Variants in SGCD observed in about 807,000 individuals in gnomAD.
SGCD encodes the protein delta-sarcoglycan.
In SGCD, 18 loss-of-function variants were observed where a neutral mutation model predicts 36.6. The observed-to-expected ratio is 0.49, with a 90% CI of 0.34 to 0.73. The LOEUF is 0.73. SGCD is among the 30% of genes least tolerant of loss of function. The pLI, the probability that SGCD is intolerant of heterozygous loss-of-function variation, is 0.01. For synonymous variants in SGCD, 133 were observed against 130.6 expected (o/e 1.02, Z -0.12); for missense variants, 387 against 346.7 (o/e 1.12, Z -0.92).
the SGCD span, among the ~76,000 whole-genome samples, chr5:155,833,068 A>G: frequency 4.2e-4 from 60 of 142,640 alleles, 2 homozygotes; most frequent in East Asian, 6.1e-4. Context: ...AAAAAAAAAA[A>G]AAAGAAAAAA....
intron 3 of SGCD, among the ~76,000 whole-genome samples, chr5:156,204,239 A>T (rs891861147): frequency 1.3e-5 from 2 of 152,026 alleles, no homozygotes; most frequent in African/African-American, 4.8e-5. Flanking sequence ...TTTCTCCCTT[A>T]TGGGGTGGCC....
intron 3 of SGCD, among the ~76,000 whole-genome samples, chr5:156,406,036 G>GAAAAAAAAAAAAAAAAAAAAAACT (rs79259925): frequency 7.3e-6 from 1 of 136,608 alleles, no homozygotes; most frequent in African/African-American, 2.8e-5. Flanking sequence ...AAAAAAAAAG[G>GAAAAAAAAAAAAAAAAAAAAAACT]CCTCTGGGCA....
chr5:156,346,548 C>T (rs1250845601), intron 3 of SGCD, among the ~76,000 whole-genome samples: 1 of 152,154 alleles, frequency 6.6e-6, no homozygotes, highest in Non-Finnish European at 1.5e-5. Flanking sequence ...AGTTCTCCTA[C>T]CTCAGCCTCT....
intron 3 of SGCD, among the ~76,000 whole-genome samples, chr5:156,159,002 G>A (rs1034307089): frequency 2.6e-5 from 4 of 151,078 alleles, no homozygotes; most frequent in Admixed American, 2.6e-4. Context: ...TATCATCATT[G>A]TTTTGAGAAG....
intron 3 of SGCD, among the ~76,000 whole-genome samples, chr5:156,502,258 G>T (rs570698802): frequency 6.6e-6 from 1 of 152,028 alleles, no homozygotes; most frequent in South Asian, 2.1e-4. Flanking sequence ...ATGTTAGCCA[G>T]GATGGTCTCG....
the SGCD span, among the ~76,000 whole-genome samples, chr5:155,780,072 A>G: frequency 6.6e-6 from 1 of 152,200 alleles, no homozygotes; most frequent in Non-Finnish European, 1.5e-5. Flanking sequence ...GAATAAACCT[A>G]GAAAATCTCT....
chr5:156,682,591 T>A (rs1289010346), intron 7 of SGCD, among the ~76,000 whole-genome samples: 1 of 152,180 alleles, frequency 6.6e-6, no homozygotes, highest in African/African-American at 2.4e-5. Context: ...GTTAACACAG[T>A]GACCAAGACA....
At chr5:156,051,721 C>T (rs1451617447) in intron 1 of SGCD, among the ~76,000 whole-genome samples, 2 of 144,852 alleles carry the variant, frequency 1.4e-5, no homozygotes, top group Admixed American at 1.4e-4. Context: ...AATGAGCACT[C>T]GTGGTAGGAA....
rs115469425 is a variant in SGCD, at chr5:156,633,917, C to T, written c.503-13547C>T. Among the ~76,000 whole-genome samples the T allele has an allele frequency of 2.9e-3, 443 of 152,270 alleles. 6 individuals are homozygous for T. Among genetic ancestry groups the T allele is most frequent in the African/African-American group, 0.01 (428 of 41,546 alleles). On this transcript the variant is annotated intron_variant, in intron 6 of 8. Transcript: ENST00000337851. ...CTACTTCCACACCACAGAGAGGGCACAGAAATCTTTGCTGAGGTGTGGGCC... is the reference window on the plus strand; with the variant it reads ...CTACTTCCACACCACAGAGAGGGCATAGAAATCTTTGCTGAGGTGTGGGCC...
chr5:155,932,564 A>G (rs563518648), intron 1 of SGCD, among the ~76,000 whole-genome samples: 2 of 152,326 alleles, frequency 1.3e-5, no homozygotes, highest in African/African-American at 4.8e-5. Context: ...CCCTCAACAT[A>G]ACTGGTTTTT....
At chr5:156,158,791 T>C (rs1350262037) in intron 3 of SGCD, among the ~76,000 whole-genome samples, 1 of 151,566 alleles carries the variant, frequency 6.6e-6, no homozygotes, top group African/African-American at 2.4e-5. Flanking sequence ...AGATTTTATA[T>C]ACCTACAGCT....
intron 1 of SGCD, among the ~76,000 whole-genome samples, chr5:155,897,844 A>G (rs1756301419): frequency 6.6e-6 from 1 of 152,218 alleles, no homozygotes; most frequent in Admixed American, 6.5e-5. Context: ...TTGTTGACCA[A>G]CATGTCATCA....
intron 1 of SGCD, among the ~76,000 whole-genome samples, chr5:155,998,852 G>T (rs1758607822): frequency 6.6e-6 from 1 of 152,172 alleles, no homozygotes; most frequent in Non-Finnish European, 1.5e-5. Context: ...CTGGGAACTG[G>T]ACATATTACA....
chr5:155,824,245 GTTTGGA>G, the SGCD span, among the ~76,000 whole-genome samples: 2 of 152,168 alleles, frequency 1.3e-5, no homozygotes, highest in African/African-American at 4.8e-5. Flanking sequence ...GAGCAAGGCT[GTTTGGA>G]TTCACATCCT....
chr5:156,537,669 G>A (rs1361574904), intron 4 of SGCD, among the ~76,000 whole-genome samples: 1 of 151,792 alleles, frequency 6.6e-6, no homozygotes, highest in Non-Finnish European at 1.5e-5. Flanking sequence ...ATGCCCAGTT[G>A]AAACCACATT....
intron 1 of SGCD, among the ~76,000 whole-genome samples, chr5:156,049,580 C>G (rs1581063225): frequency 1.4e-5 from 2 of 146,238 alleles, no homozygotes; most frequent in East Asian, 3.9e-4. Flanking sequence ...CAAAAACATG[C>G]CAAATTGTAA....
At chr5:156,282,192 AG>A (rs1349564318) in intron 3 of SGCD, among the ~76,000 whole-genome samples, 4 of 152,190 alleles carry the variant, frequency 2.6e-5, no homozygotes, top group Non-Finnish European at 2.9e-5. Context: ...CAGACACCAA[AG>A]GGTTCTCCAA....
chr5:156,329,097 A>G (rs186515465), intron 1 of SGCD, among the ~76,000 whole-genome samples: 36 of 152,258 alleles, frequency 2.4e-4, no homozygotes, highest in African/African-American at 8.2e-4. Context: ...TTTTAGAAGT[A>G]AAGTAGGGAG....
intron 3 of SGCD, among the ~76,000 whole-genome samples, chr5:156,492,340 A>T (rs1463455239): frequency 2.0e-5 from 3 of 151,952 alleles, no homozygotes; most frequent in Non-Finnish European, 4.4e-5. Context: ...GTGGTTAGGG[A>T]GGCTGACAAA....
Sources: gnomAD v4.1 joint callset for allele counts (sites outside exome capture counted in the v4.1 genomes callset) on GRCh38, gnomAD v4.1.1 for gene constraint, MANE v1.5 for transcripts, NCBI Gene and HGNC (gene_info 2026-07-23, HGNC 2026-07-21) for gene names.